The following RHOBTB2 variants were observed in gnomAD, a reference collection of about 807,000 sequenced individuals.
The protein encoded by RHOBTB2 is rho-related BTB domain-containing protein 2.
Under a neutral mutation model 66.5 loss-of-function variants are expected in RHOBTB2, and 39 were observed. That is an observed-to-expected ratio of 0.59 (90% confidence interval 0.45 to 0.77). RHOBTB2 has a LOEUF of 0.77. RHOBTB2 is among the 30% of genes least tolerant of loss of function. RHOBTB2 has a pLI of 0.00. For missense variants in RHOBTB2, 755 were observed against 999.1 expected (o/e 0.76, Z 3.29); for synonymous variants, 390 against 395.0 (o/e 0.99, Z 0.15).
Position 23,017,315 on chromosome 8 carries a change from A to G in RHOBTB2, c.2030A>G (p.His677Arg). ...PPVWYLKEEDHYQRARKEREK... is the reference protein window; with the variant it reads ...PPVWYLKEEDRYQRARKEREK... ...GTGTGGTACCTGAAGGAGGAAGATC[A>G]TTACCAGCGGGCACGGAAGGAGCGT... is the stretch of plus-strand genomic sequence containing the variant. Residue 677 changes from histidine to arginine, a missense_variant, in exon 10 of 10, where the codon CAT becomes CGT. Physicochemically the swap from His to Arg is conservative, Grantham distance 29 (BLOSUM62 0). Transcript: ENST00000251822. This position sits in a 1 kb window ranked among gnomAD's most constrained non-coding sequence, Gnocchi z 5.3. The G allele has an allele frequency of 6.2e-7, 1 of 1,614,188 alleles. No homozygotes were observed. Among genetic ancestry groups the G allele is most frequent in the Non-Finnish European group, 8.5e-7 (1 of 1,180,036 alleles).
At chr8:22,987,445 A>G in exon 1 of RHOBTB2, 1 of 152,590 alleles carries the variant, frequency 6.6e-6, no homozygotes, top group Non-Finnish European at 1.5e-5. Context: ...CATAAGCTGG[A>G]CTTTGGATCC....
the RHOBTB2 span, among the ~76,000 whole-genome samples, chr8:22,962,172 G>A: frequency 0.011 from 9 of 784 alleles, no homozygotes; most frequent in South Asian, 0.023. Flanking sequence ...AAACAATAAC[G>A]AATTTACAAA....
At chr8:23,007,797 A>G (rs1563292689) in intron 5 of RHOBTB2, 51 bp downstream of exon 5, 1 of 1,591,858 alleles carries the variant, frequency 6.3e-7, no homozygotes, top group African/African-American at 1.3e-5. Context: ...TGCTATTAGC[A>G]TTGCCTGTCT....
chr8:22,959,437 A>G, the RHOBTB2 span, among the ~76,000 whole-genome samples: 3 of 152,040 alleles, frequency 2.0e-5, no homozygotes, highest in Admixed American at 2.0e-4. Context: ...TTGTTTTAGT[A>G]GAGACGGGGT....
Position 23,007,140 on chromosome 8 carries a change from G to A in RHOBTB2, c.895G>A (p.Asp299Asn), listed in dbSNP as rs1810984734. 6.2e-7 allele frequency: 1 copy of A among 1,608,142 alleles called. No homozygotes were observed. Among genetic ancestry groups the A allele is most frequent in the Non-Finnish European group, 8.5e-7 (1 of 1,179,770 alleles). The change falls in exon 5 of 10, where the codon GAC (aspartate) becomes AAC (asparagine). Residue 299 changes from aspartate (D) to asparagine (N), a missense_variant. Physicochemically the swap from Asp to Asn is conservative, Grantham distance 23. Coordinates refer to ENST00000251822, the MANE Select transcript of RHOBTB2 (RefSeq NM_015178.3). ...CAAGTTCTATGACCTGTTCCTCATG[G>A]ACCTGAGTGAGGGGGAGCTGGGGGG... is the stretch of plus-strand genomic sequence containing the variant. ...SSKFYDLFLM[D>N]LSEGELGGPS...
chr8:22,967,318 G>A, the RHOBTB2 span, among the ~76,000 whole-genome samples: 18 of 152,162 alleles, frequency 1.2e-4, no homozygotes, highest in African/African-American at 4.1e-4. Context: ...TCATAAAAGG[G>A]TAAATACTGG....
the RHOBTB2 span, among the ~76,000 whole-genome samples, chr8:22,967,014 A>G: frequency 1.3e-5 from 2 of 152,248 alleles, no homozygotes; most frequent in African/African-American, 2.4e-5. Flanking sequence ...AAACATTAAA[A>G]AATAGAATTA....
the RHOBTB2 span, among the ~76,000 whole-genome samples, chr8:22,974,172 G>A: frequency 3.9e-5 from 6 of 152,182 alleles, no homozygotes; most frequent in South Asian, 1.2e-3. Flanking sequence ...TATGGAGGGA[G>A]GAAAGCCGGG....
chr8:23,006,968 G>GATC lies in RHOBTB2; in HGVS notation c.727_729dup (p.Ile243dup). 6.2e-7 allele frequency: 1 copy of GATC among 1,611,012 alleles called. No homozygotes were observed. The highest frequency in any genetic ancestry group is 8.5e-7 in the Non-Finnish European group (1 of 1,179,888). ...TCCTACCCCCCAAGCCACCGCCCCCGATCATCGTGGTGCCCGACCCTCCCT... is the reference window on the plus strand; with the variant it reads ...TCCTACCCCCCAAGCCACCGCCCCCGATCATCATCGTGGTGCCCGACCCTCCCT... On this transcript the variant is annotated inframe_insertion, in exon 5 of 10. Coordinates refer to ENST00000251822, the MANE Select transcript of RHOBTB2 (RefSeq NM_015178.3). This position sits in a 1 kb window ranked among gnomAD's most constrained non-coding sequence, Gnocchi z 6.1.
In RHOBTB2 at chr8:23,020,097, G is replaced by A; in HGVS notation, c.*2628G>A. ...ACTCAGAGCTGATTCACAGGAGGAG[G>A]GGAGGTTGGGGGGCGGGAGACAAAA... On this transcript the variant is annotated 3_prime_UTR_variant, in exon 10 of 10. Transcript: ENST00000251822. 2.7e-6 allele frequency: 1 copy of A among 370,376 alleles called. No homozygotes were observed. The highest frequency in any genetic ancestry group is 5.3e-6 in the Non-Finnish European group (1 of 187,756). The allele number at this position is 370,376 out of a possible 1,614,324, so 22.9% of individuals were successfully genotyped here.
chr8:22,981,182 C>T, the RHOBTB2 span, among the ~76,000 whole-genome samples: 5 of 152,344 alleles, frequency 3.3e-5, no homozygotes, highest in Admixed American at 2.6e-4. Flanking sequence ...GATCTCATTT[C>T]CTGTTGTAAA....
chr8:22,973,080 TCTC>T, the RHOBTB2 span, among the ~76,000 whole-genome samples: 18,056 of 151,998 alleles, frequency 0.12, 1,931 homozygotes, highest in African/African-American at 0.29. Flanking sequence ...TTCTCAGAAG[TCTC>T]CTGTTCAGGA....
chr8:22,976,725 A>C, the RHOBTB2 span, among the ~76,000 whole-genome samples: 1 of 151,942 alleles, frequency 6.6e-6, no homozygotes, highest in South Asian at 2.1e-4. Flanking sequence ...TCCCTAGTTC[A>C]AGTGATTCTT....
chr8:22,960,071 T>C, the RHOBTB2 span, among the ~76,000 whole-genome samples: 1 of 147,274 alleles, frequency 6.8e-6, no homozygotes, highest in African/African-American at 2.5e-5. Flanking sequence ...TAATCCCAGC[T>C]ACTTGGGAAG....
intron 9 of RHOBTB2, among the ~76,000 whole-genome samples, chr8:23,016,369 C>G (rs745762388): frequency 6.6e-6 from 1 of 152,144 alleles, no homozygotes; most frequent in Non-Finnish European, 1.5e-5. Context: ...GTCTCCACCC[C>G]GATCTCTCCT....
At chr8:22,958,140 G>T in the RHOBTB2 span, among the ~76,000 whole-genome samples, 2 of 152,208 alleles carry the variant, frequency 1.3e-5, no homozygotes, top group Non-Finnish European at 2.9e-5. Context: ...CAGTTGTGAT[G>T]GAGGCCTGTC....
chr8:23,002,750 G>A (rs1585188004), intron 1 of RHOBTB2, among the ~76,000 whole-genome samples: 1 of 152,118 alleles, frequency 6.6e-6, no homozygotes, highest in African/African-American at 2.4e-5. Flanking sequence ...GAGAGAAGGG[G>A]TGGTACAGTT....
At chr8:22,989,157 CT>C (rs201645393) in intron 1 of RHOBTB2, among the ~76,000 whole-genome samples, 1 of 151,748 alleles carries the variant, frequency 6.6e-6, no homozygotes, top group Non-Finnish European at 1.5e-5. Flanking sequence ...TTTCCACTTT[CT>C]TTTTTTTGAG....
the RHOBTB2 span, among the ~76,000 whole-genome samples, chr8:22,978,857 G>T: frequency 4.5e-3 from 682 of 151,850 alleles, 16 homozygotes; most frequent in South Asian, 0.028. Flanking sequence ...GAAATCATGT[G>T]TTTTTTTTAA....
Sources: gnomAD v4.1 joint callset for allele counts (sites outside exome capture counted in the v4.1 genomes callset) on GRCh38, gnomAD v4.1.1 for gene constraint, Gnocchi (gnomAD v3.1) non-coding constraint, MANE v1.5 for transcripts, NCBI Gene and HGNC (gene_info 2026-07-23, HGNC 2026-07-21) for gene names.